Variants in PSD3 observed in about 807,000 individuals in gnomAD.
PSD3 encodes the protein PH and SEC7 domain-containing protein 3.
PSD3 carries 49 observed loss-of-function variants against 105.5 expected under a neutral mutation model. The observed-to-expected ratio is 0.46, with a 90% confidence interval of 0.37 to 0.59. The LOEUF (loss-of-function observed/expected upper bound fraction) is 0.59, where lower values mean the gene tolerates loss of function less well. Ranked by LOEUF, PSD3 falls within the 20% of genes least tolerant of loss-of-function variation. PSD3 has a pLI of 0.00. For missense variants in PSD3, 1,561 were observed against 1,263.8 expected (o/e 1.24, Z -3.57); for synonymous variants, 557 against 457.8 (o/e 1.22, Z -2.77).
chr8:19,071,203 G>C (rs1368628820), intron 1 of PSD3, among the ~76,000 whole-genome samples: 2 of 152,056 alleles, frequency 1.3e-5, no homozygotes, highest in African/African-American at 4.8e-5. Context: ...GGGATTACAG[G>C]TGTGCACCAC....
At chr8:18,731,552 G>C (rs1035585268) in intron 9 of PSD3, among the ~76,000 whole-genome samples, 1 of 152,096 alleles carries the variant, frequency 6.6e-6, no homozygotes, top group African/African-American at 2.4e-5. Flanking sequence ...GGAATTGCTA[G>C]GCAGAAAGAC....
At chr8:18,802,372 G>GA (rs3837206) in intron 6 of PSD3, 535 of 403,020 alleles carry the variant, frequency 1.3e-3, no homozygotes, top group South Asian at 1.8e-3. Flanking sequence ...AGATGGGAAG[G>GA]AAAAAAAAAA....
chr8:19,081,106 G>C (rs1829632132), intron 1 of PSD3, among the ~76,000 whole-genome samples: 1 of 152,124 alleles, frequency 6.6e-6, no homozygotes, highest in African/African-American at 2.4e-5. Flanking sequence ...GATGGTTAGG[G>C]CAGGCTCTGG....
chr8:19,064,411 C>G (rs1318706254), intron 1 of PSD3, among the ~76,000 whole-genome samples: 2 of 151,954 alleles, frequency 1.3e-5, no homozygotes, highest in Non-Finnish European at 2.9e-5. Context: ...ACAGTTATAC[C>G]TATTTATGGG....
intron 9 of PSD3, among the ~76,000 whole-genome samples, chr8:18,665,822 G>T (rs1161158536): frequency 1.3e-5 from 2 of 152,186 alleles, no homozygotes; most frequent in African/African-American, 4.8e-5. Context: ...CTGCACTTCA[G>T]CCTGGGTGAG....
chr8:19,033,977 A>T (rs1262799497), intron 1 of PSD3, among the ~76,000 whole-genome samples: 3 of 152,212 alleles, frequency 2.0e-5, no homozygotes, highest in Non-Finnish European at 4.4e-5. Flanking sequence ...ATAAATAAAT[A>T]TCTAGGGAAA....
intron 9 of PSD3, among the ~76,000 whole-genome samples, chr8:18,756,856 C>A (rs111696817): frequency 0.027 from 3,992 of 148,956 alleles, 89 homozygotes; most frequent in Middle Eastern, 0.055. Context: ...CCCGGAGGCG[C>A]CACCACTAGT....
At chr8:18,892,012 C>A (rs1318295676) in intron 2 of PSD3, among the ~76,000 whole-genome samples, 1 of 152,116 alleles carries the variant, frequency 6.6e-6, no homozygotes, top group Non-Finnish European at 1.5e-5. Flanking sequence ...AACCCTCAGA[C>A]CAAAGTTTAC....
rs116780527 is a variant in PSD3 at position 18,756,623 on chromosome 8, C to A, written c.2172+8826G>T. Among the ~76,000 whole-genome samples, 621 of 152,018 alleles carry A rather than the reference C, an allele frequency of 4.1e-3. 4 individuals are homozygous for A. Among genetic ancestry groups the A allele is most frequent in the African/African-American group, 0.014 (601 of 41,452 alleles). On this transcript the variant is annotated intron_variant, in intron 9 of 15. Transcript: ENST00000327040. Reference sequence around the variant, plus strand: ...TCACCCTGTGAAGTTGTTCCAATTTCTTTTTTGCCACATAATATTTTGCTC... The same window carrying A: ...TCACCCTGTGAAGTTGTTCCAATTTATTTTTTGCCACATAATATTTTGCTC...
intron 8 of PSD3, among the ~76,000 whole-genome samples, chr8:18,783,205 T>G (rs572462578): frequency 6.6e-6 from 1 of 152,282 alleles, no homozygotes; most frequent in African/African-American, 2.4e-5. Flanking sequence ...TCCTTTTGAG[T>G]TTCAGTAGTT....
At chr8:18,656,858 T>C (rs1200037806) in intron 9 of PSD3, among the ~76,000 whole-genome samples, 1 of 152,228 alleles carries the variant, frequency 6.6e-6, no homozygotes, top group African/African-American at 2.4e-5. Context: ...CAGCTGGGAC[T>C]ACAGGCATAT....
At chr8:18,536,637 T>C (rs1176224577) in intron 15 of PSD3, among the ~76,000 whole-genome samples, 1 of 152,204 alleles carries the variant, frequency 6.6e-6, no homozygotes, top group African/African-American at 2.4e-5. Context: ...CTTTTCCAAA[T>C]CAACAATATT....
At chr8:18,776,462 C>A (rs1045214459) in intron 8 of PSD3, among the ~76,000 whole-genome samples, 4 of 151,428 alleles carry the variant, frequency 2.6e-5, no homozygotes, top group Non-Finnish European at 4.4e-5. Context: ...CGGCTGACTG[C>A]AACCTATACC....
At chr8:19,062,161 A>C (rs1033336612) in intron 1 of PSD3, among the ~76,000 whole-genome samples, 1 of 152,208 alleles carries the variant, frequency 6.6e-6, no homozygotes, top group African/African-American at 2.4e-5. Context: ...ATGGCTACAC[A>C]ATGTATTCCT....
intron 1 of PSD3, among the ~76,000 whole-genome samples, chr8:19,056,227 C>A (rs1828705699): frequency 6.6e-6 from 1 of 152,116 alleles, no homozygotes; most frequent in Non-Finnish European, 1.5e-5. Flanking sequence ...AAAAAATAGT[C>A]CACAAAAGAA....
At position 18,838,700 on chromosome 8, in the gene PSD3, G is replaced by T. The variant is rs551013675; in HGVS notation, c.1634+28974C>A. 5.3e-5 allele frequency among the ~76,000 whole-genome samples: 8 copies of T among 151,704 alleles called. No individual in the cohort carries two copies. The South Asian group carries it at 1.7e-3, about 32-fold the overall frequency. ...CCTGTAGTCCCAGCTACTTCGGGAG[G>T]CTGAGGCAGGAGAATGGCGTGAACC... is the stretch of plus-strand genomic sequence containing the variant. On this transcript the variant is annotated intron_variant, in intron 4 of 15. Transcript: ENST00000327040.
intron 1 of PSD3, among the ~76,000 whole-genome samples, chr8:18,958,852 T>G (rs557027510): frequency 6.6e-6 from 1 of 152,168 alleles, no homozygotes; most frequent in African/African-American, 2.4e-5. Flanking sequence ...ATAAACATCA[T>G]ACTTAATGGT....
At chr8:18,839,262 G>A (rs1205701007) in intron 4 of PSD3, among the ~76,000 whole-genome samples, 1 of 152,250 alleles carries the variant, frequency 6.6e-6, no homozygotes, top group African/African-American at 2.4e-5. Context: ...GGACAGAAGA[G>A]ACATTTCAAG....
chr8:19,084,713 T>C (rs2129478483), exon 1 of PSD3: 1 of 316,120 alleles, frequency 3.2e-6, no homozygotes, highest in South Asian at 2.7e-5. Flanking sequence ...TGAAAGCAGC[T>C]GATTCCTCCG....
Sources: gnomAD v4.1 joint callset for allele counts (sites outside exome capture counted in the v4.1 genomes callset) on GRCh38, gnomAD v4.1.1 for gene constraint, MANE v1.5 for transcripts, NCBI Gene and HGNC (gene_info 2026-07-23, HGNC 2026-07-21) for gene names.